MACF1: variants seen among roughly 807,000 people sequenced by gnomAD.
MACF1 encodes the protein microtubule actin crosslinking factor 1, also known as microtubule-actin cross-linking factor 1.
In MACF1, 193 loss-of-function variants were observed where a neutral mutation model predicts 854.8. That is an observed-to-expected ratio of 0.23 (90% CI 0.20 to 0.25). MACF1 has a LOEUF of 0.25. Among genes scored for constraint, MACF1 ranks in the 10% least tolerant of loss-of-function variants. The pLI is 1.00. For synonymous variants in MACF1, 3,185 were observed against 3,226.7 expected (o/e 0.99, Z 0.44); for missense variants, 7,722 against 8,929.1 (o/e 0.86, Z 5.45).
chr1:39,115,353 T>C (rs1642517763), intron 2 of MACF1, among the ~76,000 whole-genome samples: 2 of 152,066 alleles, frequency 1.3e-5, no homozygotes, highest in African/African-American at 2.4e-5. Flanking sequence ...GTAACATCCA[T>C]GTGTTTTGAT....
rs749827437 is a variant in MACF1, at chr1:39,331,527, G to A, written c.4939G>A (p.Val1647Ile). ...AIEKRIISET[V>I]GLKILEAHLA... ...TGAAAAGAGAATAATCAGTGAGACA[G>A]TTGGACTGAAAATCTTAGAAGCTCA... Residue 1647 changes from valine to isoleucine, a missense_variant, in exon 37 of 101, where the codon GTT (valine) becomes ATT (isoleucine). Coordinates refer to ENST00000564288, the MANE Select transcript of MACF1 (RefSeq NM_001394062.1). 2 of 1,614,080 alleles carry A rather than the reference G, an allele frequency of 1.2e-6. No homozygotes were observed. Among genetic ancestry groups the A allele is most frequent in the East Asian group, 2.2e-5 (1 of 44,896 alleles).
At chr1:39,259,505 A>G (rs769346245) in intron 6 of MACF1, among the ~76,000 whole-genome samples, 23 of 152,134 alleles carry the variant, frequency 1.5e-4, no homozygotes, top group Non-Finnish European at 2.9e-4. Flanking sequence ...CAGGTGATCC[A>G]CCCACCTCGG....
chr1:39,273,281 C>T lies in MACF1; in HGVS notation c.529-8927C>T, dbSNP rs550978311. ...CCTCCCGAGTAACTGGGATTACAGGCGCCCGCCCCCACCACGCCCAGCTAT... is the reference window on the plus strand; with the variant it reads ...CCTCCCGAGTAACTGGGATTACAGGTGCCCGCCCCCACCACGCCCAGCTAT... On this transcript the variant is annotated intron_variant, in intron 6 of 100. Transcript: ENST00000564288. Among the ~76,000 whole-genome samples, 45 of 151,818 alleles carry T rather than the reference C, an allele frequency of 3.0e-4. 1 individual carries two copies. The highest frequency in any genetic ancestry group is 7.0e-4 in the African/African-American group (29 of 41,352).
At chr1:39,228,376 G>A (rs1455326951) in intron 1 of MACF1, among the ~76,000 whole-genome samples, 10 of 152,152 alleles carry the variant, frequency 6.6e-5, no homozygotes, top group Non-Finnish European at 7.3e-5. Context: ...TTGGAGAGAT[G>A]AAGAGGAAGA....
chr1:39,366,943 C>CT (rs138556133), intron 49 of MACF1, among the ~76,000 whole-genome samples: 2,031 of 92,948 alleles, frequency 0.022, 59 homozygotes, highest in African/African-American at 0.062. Context: ...CATGCCTGGC[C>CT]TTTTTTTTTT....
chr1:39,103,442 T>A (rs1220258705), intron 2 of MACF1: 3 of 166,012 alleles, frequency 1.8e-5, no homozygotes, highest in African/African-American at 7.2e-5. Context: ...GGCCTGCTGG[T>A]ATAAAATAAT....
At chr1:39,372,930 T>G (rs1649367890) in intron 52 of MACF1, 1 of 251,322 alleles carries the variant, frequency 4.0e-6, no homozygotes, top group Non-Finnish European at 7.6e-6. Flanking sequence ...AGCATCATCT[T>G]TAAACTTGGG....
intron 2 of MACF1, among the ~76,000 whole-genome samples, chr1:39,147,839 T>C (rs1415488883): frequency 6.6e-6 from 1 of 152,244 alleles, no homozygotes; most frequent in Non-Finnish European, 1.5e-5. Flanking sequence ...CAGATATTGT[T>C]TCCTGGCTAG....
intron 6 of MACF1, among the ~76,000 whole-genome samples, chr1:39,259,796 A>AT (rs972289076): frequency 4.8e-4 from 72 of 150,194 alleles, no homozygotes; most frequent in African/African-American, 1.5e-3. Flanking sequence ...CTAATTTTGT[A>AT]TTTTTAGTAC....
At chr1:39,203,617 T>C (rs1014494959), upstream of MACF1, among the ~76,000 whole-genome samples, 1 of 152,232 alleles carries the variant, frequency 6.6e-6, no homozygotes, top group African/African-American at 2.4e-5. Flanking sequence ...GTCAATTTCC[T>C]TCCCTCATTC....
At chr1:39,290,524 G>A (rs1332302916) in intron 15 of MACF1, among the ~76,000 whole-genome samples, 1 of 149,768 alleles carries the variant, frequency 6.7e-6, no homozygotes, top group Admixed American at 6.6e-5. Flanking sequence ...GGTCTTTTGT[G>A]GTTCCATATA....
chr1:39,101,367 A>AG (rs1291162762), intron 2 of MACF1, among the ~76,000 whole-genome samples: 1 of 96,110 alleles, frequency 1.0e-5, no homozygotes, highest in Non-Finnish European at 2.1e-5. Context: ...AAAAAAAAAA[A>AG]AAATATGTAT....
chr1:39,467,108 T>C (rs1454711191), intron 95 of MACF1, among the ~76,000 whole-genome samples: 1 of 152,218 alleles, frequency 6.6e-6, no homozygotes, highest in Non-Finnish European at 1.5e-5. Flanking sequence ...GGCTTATGCC[T>C]GTAATCCCAG....
At position 39,231,167 on chromosome 1, in the gene MACF1, G is replaced by T; in HGVS notation, c.110-15G>T. ...GTAGCACTAAGCCAGTGCCTTCTCT[G>T]TGTTTCCTTTACAGATGAACGGGAC... On this transcript the variant is annotated splice_polypyrimidine_tract_variant and intron_variant, in intron 1 of 100. Coordinates refer to ENST00000564288, the MANE Select transcript of MACF1 (RefSeq NM_001394062.1). The T allele has an allele frequency of 1.9e-6, 3 of 1,613,578 alleles. No homozygotes were observed. The South Asian group carries it at 3.3e-5, about 18-fold the overall frequency.
rs755591226 is a variant in MACF1 at position 39,233,808 on chromosome 1, T to TTTTTTTTTTTTTTA, written c.171+2565_171+2566insTTTTTTTTTTTTTA. 2.2e-3 allele frequency among the ~76,000 whole-genome samples: 148 copies of TTTTTTTTTTTTTTA among 65,802 alleles called. 48 individuals are homozygous for TTTTTTTTTTTTTTA. Among genetic ancestry groups the TTTTTTTTTTTTTTA allele is most frequent in the Non-Finnish European group, 3.7e-3 (110 of 30,110 alleles). 43.2% of individuals were successfully genotyped at this position (65,802 alleles called of 152,430 possible). On this transcript the variant is annotated intron_variant, in intron 2 of 100. Coordinates refer to ENST00000564288, the MANE Select transcript of MACF1 (RefSeq NM_001394062.1). ...TTTTTTTTTTTTTTTATTTATTTTT[T>TTTTTTTTTTTTTTA]ATTGATAATTCTTGGGTGTTTCTCA...
intron 6 of MACF1, among the ~76,000 whole-genome samples, chr1:39,276,296 G>C (rs906772427): frequency 1.3e-5 from 2 of 151,970 alleles, no homozygotes; most frequent in African/African-American, 4.8e-5. Flanking sequence ...GAAACTTGAG[G>C]ACATAATAAT....
At chr1:39,148,417 G>A (rs1011657634) in intron 2 of MACF1, among the ~76,000 whole-genome samples, 1 of 151,960 alleles carries the variant, frequency 6.6e-6, no homozygotes, top group Admixed American at 6.6e-5. Context: ...GTTTGTTGTA[G>A]GAAGATTTTA....
At chr1:39,104,645 G>A (rs1471205449) in intron 2 of MACF1, among the ~76,000 whole-genome samples, 1 of 152,198 alleles carries the variant, frequency 6.6e-6, no homozygotes, top group Non-Finnish European at 1.5e-5. Flanking sequence ...GGTGCATTCA[G>A]AATCCCGTTT....
chr1:39,243,896 G>A (rs2148325616), intron 2 of MACF1, among the ~76,000 whole-genome samples: 1 of 152,112 alleles, frequency 6.6e-6, no homozygotes, highest in South Asian at 2.1e-4. Context: ...CTCTGTGTCT[G>A]AAAAATTCCT....
Sources: allele counts gnomAD v4.1 joint callset (sites outside exome capture counted in the v4.1 genomes callset), GRCh38; gene constraint gnomAD v4.1.1; transcripts MANE v1.5; gene names NCBI Gene and HGNC (gene_info 2026-07-23, HGNC 2026-07-21).